The following DHRS7B variants were observed in gnomAD, a reference collection of about 807,000 sequenced individuals.
The protein encoded by DHRS7B is dehydrogenase/reductase 7B, also known as peroxisomal reductase activating PPAR-gamma.
In DHRS7B, 24 loss-of-function variants were observed where a neutral mutation model predicts 26.4. The ratio of observed to expected loss-of-function variants is 0.91; its 90% CI spans 0.66 to 1.28. DHRS7B has a LOEUF of 1.28. DHRS7B is among the 50% of genes most tolerant of loss of function. The probability of loss-of-function intolerance (pLI) is 0.00; values close to 1 mark genes in which losing one functional copy is unlikely to be tolerated. For synonymous variants in DHRS7B, 142 were observed against 166.4 expected, an observed-to-expected ratio of 0.85 and a Z score of 1.13; for missense variants, 368 against 419.4, an observed-to-expected ratio of 0.88 and a Z score of 1.07.
At chr17:21,158,957 CA>C (rs201773440) in intron 1 of DHRS7B, among the ~76,000 whole-genome samples, 3,539 of 108,272 alleles carry the variant, frequency 0.033, 80 homozygotes, top group African/African-American at 0.08. Context: ...TATCTGCATG[CA>C]AAAAAAAAAA....
chr17:21,166,683 G>A (rs1056472420), intron 1 of DHRS7B, among the ~76,000 whole-genome samples: 29 of 152,166 alleles, frequency 1.9e-4, no homozygotes, highest in African/African-American at 5.8e-4. Context: ...ACTGGCCATT[G>A]GTTATAAAAT....
chr17:21,156,888 G>A (rs1264866974), intron 1 of DHRS7B, among the ~76,000 whole-genome samples: 1 of 144,276 alleles, frequency 6.9e-6, no homozygotes, highest in African/African-American at 2.6e-5. Context: ...ACCAGCTAGG[G>A]TGACAAAAAC....
At chr17:21,151,374 C>T (rs973070715) in intron 1 of DHRS7B, among the ~76,000 whole-genome samples, 2 of 151,818 alleles carry the variant, frequency 1.3e-5, no homozygotes, top group Admixed American at 1.3e-4. Flanking sequence ...ATTAGCTGGG[C>T]GTGTTGGCAG....
rs1031389392 is a variant in DHRS7B at position 21,180,076 on chromosome 17, T to TC, written c.309+1734_309+1735insC. 4.1e-5 allele frequency among the ~76,000 whole-genome samples: 6 copies of TC among 146,624 alleles called. 1 individual carries two copies. The highest frequency in any genetic ancestry group is 6.8e-5 in the Admixed American group (1 of 14,786). ...GCCACCATGCCCAGCCCACTTTCTT[T>TC]TTTTTTTTTTTTTTTTGAGAGGGAG... On this transcript the variant is annotated intron_variant, in intron 3 of 6. Transcript: ENST00000395511.
At chr17:21,132,359 A>ATT (rs1973252356) in intron 1 of DHRS7B, among the ~76,000 whole-genome samples, 1 of 149,098 alleles carries the variant, frequency 6.7e-6, no homozygotes, top group African/African-American at 2.5e-5. Flanking sequence ...ATATATATAT[A>ATT]TATAGATAGA....
intron 5 of DHRS7B, 134 bp downstream of exon 5, chr17:21,184,597 G>A (rs1974589715): frequency 5.9e-6 from 5 of 854,584 alleles, no homozygotes; most frequent in Admixed American, 5.3e-5. Flanking sequence ...TTGAGAATGT[G>A]TTCTCCAGAG....
intron 2 of DHRS7B, among the ~76,000 whole-genome samples, chr17:21,177,564 A>G (rs1974410184): frequency 6.6e-6 from 1 of 152,126 alleles, no homozygotes; most frequent in Non-Finnish European, 1.5e-5. Flanking sequence ...GAGCCTTTTC[A>G]AAGGCAGGCA....
At chr17:21,180,765 G>A (rs985269614) in intron 3 of DHRS7B, among the ~76,000 whole-genome samples, 17 of 152,280 alleles carry the variant, frequency 1.1e-4, no homozygotes, top group Non-Finnish European at 2.4e-4. Context: ...GTGAGGAAGT[G>A]TGAGTCCTCC....
chr17:21,188,141 C>T (rs925672169), intron 5 of DHRS7B, among the ~76,000 whole-genome samples: 4 of 152,134 alleles, frequency 2.6e-5, no homozygotes, highest in Admixed American at 6.5e-5. Flanking sequence ...TGAGCCACCG[C>T]GCCCAGCTTA....
chr17:21,176,600 C>G (rs768198423), intron 2 of DHRS7B, among the ~76,000 whole-genome samples: 1 of 151,846 alleles, frequency 6.6e-6, no homozygotes, highest in African/African-American at 2.4e-5. Flanking sequence ...GACCCTGTCT[C>G]TAAAAAAAAT....
At chr17:21,137,095 T>A (rs1772125153) in intron 1 of DHRS7B, among the ~76,000 whole-genome samples, 1 of 149,602 alleles carries the variant, frequency 6.7e-6, no homozygotes. Context: ...CTCAGTCTCC[T>A]GTGTAGCTGG....
At chr17:21,179,762 C>CTTTTTTT (rs55928399) in intron 3 of DHRS7B, among the ~76,000 whole-genome samples, 3 of 137,608 alleles carry the variant, frequency 2.2e-5, no homozygotes, top group African/African-American at 2.6e-5. Flanking sequence ...TTTTCACTTT[C>CTTTTTTT]TTTTTTTTTT....
chr17:21,172,065 C>CCAT lies in DHRS7B; in HGVS notation c.70_72dup (p.Ile24dup), dbSNP rs756634250. On this transcript the variant is annotated inframe_insertion, in exon 2 of 7. Transcript: ENST00000395511. ...GCCATGGACTTCATCACCTCCACAG[C>CCAT]CATCCTGCCCCTGCTGTTCGGCTGC... 2.5e-6 allele frequency: 4 copies of CCAT among 1,614,222 alleles called. No homozygotes were observed. The highest frequency in any genetic ancestry group is 2.5e-6 in the Non-Finnish European group (3 of 1,180,050).
intron 1 of DHRS7B, chr17:21,127,716 G>A (rs556880056): frequency 1.3e-5 from 2 of 152,342 alleles, no homozygotes; most frequent in South Asian, 4.1e-4. Flanking sequence ...TCAACAAATG[G>A]TAGCCACATA....
intron 1 of DHRS7B, among the ~76,000 whole-genome samples, chr17:21,132,258 T>C (rs1488069741): frequency 6.6e-6 from 1 of 151,524 alleles, no homozygotes; most frequent in South Asian, 2.1e-4. Context: ...CCCAGCACTT[T>C]AGGAGGCCAA....
intron 1 of DHRS7B, 184 bp downstream of exon 1, chr17:21,127,175 A>C: frequency 1.7e-6 from 1 of 594,082 alleles, no homozygotes; most frequent in Non-Finnish European, 2.7e-6. Flanking sequence ...AGGCGCTGGG[A>C]CCAGAGCCCT....
At chr17:21,133,491 C>T (rs915040130) in intron 1 of DHRS7B, among the ~76,000 whole-genome samples, 6 of 152,252 alleles carry the variant, frequency 3.9e-5, no homozygotes, top group Non-Finnish European at 8.8e-5. Context: ...TCTGATGAGA[C>T]TTCCAAAGGA....
chr17:21,147,289 C>T (rs1288141160), intron 1 of DHRS7B, among the ~76,000 whole-genome samples: 1 of 152,020 alleles, frequency 6.6e-6, no homozygotes, highest in African/African-American at 2.4e-5. Flanking sequence ...TGGGCTATGG[C>T]AGAACTTGGG....
At chr17:21,132,332 C>A (rs62059057) in intron 1 of DHRS7B, among the ~76,000 whole-genome samples, 49,654 of 104,320 alleles carry the variant, frequency 0.48, 8,579 homozygotes, top group Middle Eastern at 0.54. Flanking sequence ...GAGACCCCAT[C>A]TCTTAAAAAA....
Sources: allele counts gnomAD v4.1 joint callset (sites outside exome capture counted in the v4.1 genomes callset), GRCh38; gene constraint gnomAD v4.1.1; transcripts MANE v1.5; gene names NCBI Gene and HGNC (gene_info 2026-07-23, HGNC 2026-07-21).